TAF2: variants seen among roughly 807,000 people sequenced by gnomAD.
The protein encoded by TAF2 is TATA-box binding protein associated factor 2.
A neutral mutation model predicts 138.5 loss-of-function variants in TAF2; 61 were observed. The observed-to-expected ratio is 0.44, with a 90% confidence interval of 0.36 to 0.54. The LOEUF (loss-of-function observed/expected upper bound fraction) is 0.54, where lower values mean the gene tolerates loss of function less well. Among genes scored for constraint, TAF2 ranks in the 20% least tolerant of loss-of-function variants. The pLI, the probability that TAF2 is intolerant of heterozygous loss-of-function variation, is 0.00. For synonymous variants in TAF2, 475 were observed against 469.9 expected (o/e 1.01, Z -0.14); for missense variants, 1,090 against 1,427.9 (o/e 0.76, Z 3.81).
intron 19 of TAF2, among the ~76,000 whole-genome samples, chr8:119,761,100 C>T (rs1473765737): frequency 5.9e-5 from 9 of 152,172 alleles, no homozygotes; most frequent in African/African-American, 1.9e-4. Flanking sequence ...ACAGCAGCTT[C>T]CAGGCCTGCA....
At chr8:119,797,988 GA>G (rs1823951985) in intron 6 of TAF2, 142 bp from the exon 7 acceptor site, 2 of 807,306 alleles carry the variant, frequency 2.5e-6, no homozygotes, top group East Asian at 2.7e-5. Flanking sequence ...AAAATGTTGT[GA>G]AAATAGTGAT....
At chr8:119,788,254 A>G (rs1823166050) in intron 14 of TAF2, 84 bp downstream of exon 14, 1 of 1,217,190 alleles carries the variant, frequency 8.2e-7, no homozygotes, top group Non-Finnish European at 1.2e-6. Context: ...AAAATTAGGT[A>G]TACAAGAGAA....
chr8:119,830,142 C>T (rs1016531989), intron 2 of TAF2, among the ~76,000 whole-genome samples: 13 of 152,000 alleles, frequency 8.6e-5, no homozygotes, highest in Admixed American at 1.3e-4. Flanking sequence ...TCATGATCCA[C>T]CCGCCTCAGC....
intron 18 of TAF2, among the ~76,000 whole-genome samples, chr8:119,770,265 GAT>G (rs1821740269): frequency 1.3e-5 from 2 of 152,030 alleles, no homozygotes; most frequent in South Asian, 2.1e-4. Context: ...ACAACTGGGA[GAT>G]AATGATACAA....
At position 119,737,577 on chromosome 8, in the gene TAF2, T is replaced by C. The variant is rs137944383; in HGVS notation, c.3337+4957A>G. 9.0e-3 allele frequency among the ~76,000 whole-genome samples: 1,366 copies of C among 151,590 alleles called. 20 individuals are homozygous for C. Among genetic ancestry groups the C allele is most frequent in the African/African-American group, 0.031 (1,301 of 41,338 alleles). ...AGGCTGGAGTACAGTGGCATGATTT[T>C]GGCTTACTACAACCTCTGCTTCCCA... On this transcript the variant is annotated intron_variant, in intron 25 of 25. Coordinates refer to ENST00000378164, the MANE Select transcript of TAF2 (RefSeq NM_003184.4).
In TAF2 at chr8:119,801,604, A is replaced by G. The variant is rs138068724; in HGVS notation, c.792+190T>C. Among the ~76,000 whole-genome samples, 399 of 151,952 alleles carry G rather than the reference A, an allele frequency of 2.6e-3. 2 individuals are homozygous for G. Among genetic ancestry groups the G allele is most frequent in the African/African-American group, 9.0e-3 (373 of 41,414 alleles). ...CCACCACGCCTGGCTAATTTTTTGT[A>G]TTTTTAGTAATGACAGGGTTTTACT... On this transcript the variant is annotated intron_variant, in intron 6 of 25. Coordinates refer to ENST00000378164, the MANE Select transcript of TAF2 (RefSeq NM_003184.4).
chr8:119,744,115 T>C (rs1819784842), intron 24 of TAF2, among the ~76,000 whole-genome samples, 173 bp downstream of exon 24: 1 of 152,206 alleles, frequency 6.6e-6, no homozygotes, highest in Non-Finnish European at 1.5e-5. Flanking sequence ...AAGAAGCACT[T>C]TTTCTATTTG....
intron 6 of TAF2, among the ~76,000 whole-genome samples, chr8:119,799,636 G>A (rs1244832510): frequency 6.6e-6 from 1 of 152,174 alleles, no homozygotes; most frequent in Non-Finnish European, 1.5e-5. Context: ...CTTTATAGCA[G>A]CATGATTTAT....
intron 22 of TAF2, among the ~76,000 whole-genome samples, chr8:119,752,154 G>C (rs1820397305): frequency 6.6e-6 from 1 of 152,070 alleles, no homozygotes; most frequent in Non-Finnish European, 1.5e-5. Flanking sequence ...GAAAGTATAT[G>C]ATTATGCATT....
At chr8:119,805,668 G>A (rs1275314866) in intron 4 of TAF2, among the ~76,000 whole-genome samples, 1 of 151,732 alleles carries the variant, frequency 6.6e-6, no homozygotes, top group Non-Finnish European at 1.5e-5. Context: ...TTGCGCCATT[G>A]CACTCCACCC....
intron 2 of TAF2, among the ~76,000 whole-genome samples, chr8:119,827,900 T>A (rs1826204098): frequency 6.6e-6 from 1 of 152,068 alleles, no homozygotes; most frequent in African/African-American, 2.4e-5. Context: ...CCCGCCACCA[T>A]GCTCAGCTAA....
Position 119,732,094 on chromosome 8 carries a change from T to C in TAF2, c.3430A>G (p.Ser1144Gly). The change falls in exon 26 of 26, where the codon AGT becomes GGT. Residue 1144 changes from serine (S) to glycine (G), a missense_variant. Ser to Gly is a moderately conservative substitution (Grantham distance 56). Transcript: ENST00000378164. Reference sequence around the variant, plus strand: ...TGGTGATGGTGGTGATGGTGGTCACTGTGTTTGGAGGCTGTAGATTCCTTA... The same window carrying C: ...TGGTGATGGTGGTGATGGTGGTCACCGTGTTTGGAGGCTGTAGATTCCTTA... Reference protein sequence around the residue: ...FTKESTASKHSDHHHHHHHEH... With the variant: ...FTKESTASKHGDHHHHHHHEH... The C allele has an allele frequency of 6.2e-7, 1 of 1,614,190 alleles. No homozygotes were observed. The highest frequency in any genetic ancestry group is 8.5e-7 in the Non-Finnish European group (1 of 1,180,032).
At chr8:119,773,967 C>A (rs1226966899) in intron 18 of TAF2, among the ~76,000 whole-genome samples, 1 of 151,604 alleles carries the variant, frequency 6.6e-6, no homozygotes, top group Non-Finnish European at 1.5e-5. Flanking sequence ...GTCAGGAGAT[C>A]GAGACCATCC....
At chr8:119,774,710 T>C (rs757673002) in intron 18 of TAF2, among the ~76,000 whole-genome samples, 1 of 152,118 alleles carries the variant, frequency 6.6e-6, no homozygotes, top group Non-Finnish European at 1.5e-5. Context: ...GCAGAGATAA[T>C]AACTTCCCCT....
intron 15 of TAF2, among the ~76,000 whole-genome samples, chr8:119,784,666 T>C (rs747180769): frequency 3.9e-5 from 6 of 152,202 alleles, no homozygotes; most frequent in Non-Finnish European, 5.9e-5. Context: ...TATTTAAAAA[T>C]AAAACACTGT....
chr8:119,789,477 T>C lies in TAF2; in HGVS notation c.1568+115A>G, dbSNP rs907249592. ...CATTATTTCTACCATTGTTTAGAAATATAAACAGTTCATACTTCCTTGAGT... is the reference window on the plus strand; with the variant it reads ...CATTATTTCTACCATTGTTTAGAAACATAAACAGTTCATACTTCCTTGAGT... On this transcript the variant is annotated intron_variant, in intron 12 of 25. Coordinates refer to ENST00000378164, the MANE Select transcript of TAF2 (RefSeq NM_003184.4). 9 of 1,259,878 alleles carry C rather than the reference T, an allele frequency of 7.1e-6. No homozygotes were observed. The African/African-American group carries it at 7.4e-5, about 10-fold the overall frequency. 78.0% of individuals were successfully genotyped at this position (1,259,878 alleles called of 1,614,324 possible). A position where few individuals can be genotyped will look rare whatever the true frequency, so the allele number is the denominator to read the frequency against.
At chr8:119,759,805 A>C (rs933157915) in intron 20 of TAF2, among the ~76,000 whole-genome samples, 4 of 152,140 alleles carry the variant, frequency 2.6e-5, no homozygotes, top group Admixed American at 1.3e-4. Context: ...ATGAGCAACA[A>C]CTTTGGCAAA....
intron 14 of TAF2, among the ~76,000 whole-genome samples, chr8:119,785,654 C>CATAT (rs1407689317): frequency 5.1e-4 from 77 of 152,242 alleles, no homozygotes; most frequent in African/African-American, 1.8e-3. Flanking sequence ...CTGTCAGCTG[C>CATAT]ATATATGCAA....
intron 3 of TAF2, 89 bp downstream of exon 3, chr8:119,819,257 A>C: frequency 1.4e-6 from 2 of 1,413,718 alleles, no homozygotes. Flanking sequence ...CGATCCAAAA[A>C]AAAAATACTT....
Sources: allele counts gnomAD v4.1 joint callset (sites outside exome capture counted in the v4.1 genomes callset), GRCh38; gene constraint gnomAD v4.1.1; transcripts MANE v1.5; gene names NCBI Gene and HGNC (gene_info 2026-07-23, HGNC 2026-07-21).